Variants in RACK1 observed in about 807,000 individuals in gnomAD.
RACK1 encodes the protein small ribosomal subunit protein RACK1.
A neutral mutation model predicts 42.2 loss-of-function variants in RACK1; 3 were observed. The observed-to-expected ratio is 0.07, with a 90% confidence interval of 0.03 to 0.18. The LOEUF is 0.18. Ranked by LOEUF, RACK1 falls within the 10% of genes least tolerant of loss-of-function variation. RACK1 has a pLI of 1.00. For missense variants in RACK1, 146 were observed against 403.2 expected (o/e 0.36, Z 5.46); for synonymous variants, 181 against 154.8 (o/e 1.17, Z -1.25).
chr5:181,242,476 CAACA>C, intron 1 of RACK1, 131 bp from the exon 2 acceptor site: 1 of 682,580 alleles, frequency 1.5e-6, no homozygotes, highest in Admixed American at 2.2e-5. Context: ...GGGATGGAAA[CAACA>C]GACAAGAGCA....
In RACK1 at chr5:181,236,995, C is replaced by T. The variant is rs1162914540; in HGVS notation, c.936G>A (p.Val312=). The change falls in exon 8 of 8, where the codon GTG becomes GTA. Residue 312 remains valine, a synonymous_variant. Transcript: ENST00000512805. ...TAAACTTCTAGCGTGTGCCAATGGT[C>T]ACCTGCCACACTCGCACCAGGTTGT... ...YTDNLVRVWQ[V]TIGTR is the part of the protein sequence containing the mutation. The T allele has an allele frequency of 6.2e-7, 1 of 1,613,614 alleles. No individual in the cohort carries two copies. The highest frequency in any genetic ancestry group is 8.5e-7 in the Non-Finnish European group (1 of 1,179,932).
chr5:181,237,568 T>A, intron 7 of RACK1, 41 bp downstream of exon 7: 1 of 1,014,438 alleles, frequency 9.9e-7, no homozygotes, highest in Non-Finnish European at 1.6e-6. Flanking sequence ...GGGAGAAAAT[T>A]AACTGGAAGC....
chr5:181,237,222 C>A, intron 7 of RACK1, 180 bp from the exon 8 acceptor site: 1 of 1,215,314 alleles, frequency 8.2e-7, no homozygotes, highest in Non-Finnish European at 1.2e-6. Flanking sequence ...GAGATCCTCC[C>A]ACCTCAGCCT....
rs11540176 is a variant in RACK1, at chr5:181,243,876, T to C, written c.-76A>G. ...GCTTAGAGAAACTAGCACCACAACCTCTCCTGCCGCCGCCTTGCAGTGAAA... is the reference window on the plus strand; with the variant it reads ...GCTTAGAGAAACTAGCACCACAACCCCTCCTGCCGCCGCCTTGCAGTGAAA... On this transcript the variant is annotated 5_prime_UTR_variant, in exon 1 of 8. Transcript: ENST00000512805. 8.1e-6 allele frequency: 12 copies of C among 1,488,120 alleles called. No homozygotes were observed. The highest frequency in any genetic ancestry group is 1.3e-5 in the South Asian group (1 of 77,200). 92.2% of individuals were successfully genotyped at this position (1,488,120 alleles called of 1,614,324 possible).
intron 5 of RACK1, 88 bp from the exon 6 acceptor site, chr5:181,238,327 T>TA (rs1358792353): frequency 1.1e-5 from 15 of 1,395,228 alleles, no homozygotes; most frequent in Non-Finnish European, 1.3e-5. Context: ...AATCAATTCT[T>TA]ACCTTTCCTC....
rs748470910 is a variant in RACK1, at chr5:181,239,471, T to G, written c.525+16A>C. On this transcript the variant is annotated intron_variant, in intron 4 of 7. Coordinates refer to ENST00000512805, the MANE Select transcript of RACK1 (RefSeq NM_006098.5). ...CACCCTGACTGGTAAAGCCCCTGCCTTGGCTTGACGCTCACCTTGACCAGC... is the reference window on the plus strand; with the variant it reads ...CACCCTGACTGGTAAAGCCCCTGCCGTGGCTTGACGCTCACCTTGACCAGC... 1.3e-6 allele frequency: 2 copies of G among 1,592,226 alleles called. No homozygotes were observed. Among genetic ancestry groups the G allele is most frequent in the Admixed American group, 3.3e-5 (2 of 59,984 alleles).
At chr5:181,237,364 A>C (rs1455347793) in intron 7 of RACK1, 1 of 705,418 alleles carries the variant, frequency 1.4e-6, no homozygotes, top group Non-Finnish European at 2.6e-6. Flanking sequence ...ACATTTGAAA[A>C]CTGGTCAGAT....
At chr5:181,237,917 TA>T in intron 6 of RACK1, 181 bp downstream of exon 6, 1 of 683,302 alleles carries the variant, frequency 1.5e-6, no homozygotes, top group Non-Finnish European at 2.5e-6. Flanking sequence ...GAAATGCTGC[TA>T]AACATCCTGG....
chr5:181,239,023 G>T, intron 5 of RACK1, 44 bp downstream of exon 5: 1 of 1,259,228 alleles, frequency 7.9e-7, no homozygotes, highest in South Asian at 1.2e-5. Flanking sequence ...CTCCTTCCAT[G>T]ACGCTGTCTT....
chr5:181,243,771 G>T lies in RACK1; in HGVS notation c.30C>A (p.Thr10=). The change falls in exon 1 of 8, where the codon ACC becomes ACA. Residue 10 remains threonine, a synonymous_variant. Transcript: ENST00000512805. The part of the protein sequence containing the change: MTEQMTLRG[T]LKGHNGWVTQ... ...TTACCCAGCCGTTGTGGCCCTTGAG[G>T]GTGCCACGAAGGGTCATCTGCTCAG... 6.2e-7 allele frequency: 1 copy of T among 1,608,362 alleles called. No homozygotes were observed. Among genetic ancestry groups the T allele is most frequent in the Non-Finnish European group, 8.5e-7 (1 of 1,177,476 alleles).
At chr5:181,238,864 C>A (rs2113210463) in intron 5 of RACK1, 1 of 620,952 alleles carries the variant, frequency 1.6e-6, no homozygotes, top group South Asian at 1.6e-5. Flanking sequence ...TATAGAAAAT[C>A]ATCTTTTTCT....
chr5:181,237,305 G>T, intron 7 of RACK1: 1 of 728,290 alleles, frequency 1.4e-6, no homozygotes, highest in East Asian at 2.7e-5. Flanking sequence ...GCTTGTAAGT[G>T]GTGGTTATGT....
At chr5:181,243,182 A>G in intron 1 of RACK1, 1 of 900,736 alleles carries the variant, frequency 1.1e-6, no homozygotes, top group South Asian at 1.4e-5. Context: ...AAGCACAAGA[A>G]GCGTCTAAAC....
rs1286465035 is a variant in RACK1 at position 181,238,189 on chromosome 5, C to A, written c.687G>T (p.Thr229=). The A allele has an allele frequency of 4.3e-6, 7 of 1,613,996 alleles. No homozygotes were observed. The highest frequency in any genetic ancestry group is 5.9e-6 in the Non-Finnish European group (7 of 1,179,968). ...CGTTGATGATGTCCCCACCATCTAG[C>A]GTGTAAAGGTGTTTGCCTTCGTTGA... is the stretch of plus-strand genomic sequence containing the variant. ...WDLNEGKHLY[T]LDGGDIINAL... is the part of the protein sequence containing the mutation. Residue 229 remains threonine, a synonymous_variant, in exon 6 of 8, where the codon ACG becomes ACT. Coordinates refer to ENST00000512805, the MANE Select transcript of RACK1 (RefSeq NM_006098.5).
intron 5 of RACK1, chr5:181,238,698 AG>A (rs1183485221): frequency 2.7e-6 from 1 of 364,044 alleles, no homozygotes; most frequent in African/African-American, 2.1e-5. Context: ...GCTACTCGGG[AG>A]GCTGAGATGG....
chr5:181,239,946 C>T (rs1458589359), intron 3 of RACK1, among the ~76,000 whole-genome samples: 3 of 151,952 alleles, frequency 2.0e-5, no homozygotes, highest in African/African-American at 7.3e-5. Flanking sequence ...TGGGGAGGCT[C>T]AGGCAGGAAC....
intron 1 of RACK1, chr5:181,243,159 A>G: frequency 1.4e-6 from 1 of 713,244 alleles, no homozygotes; most frequent in South Asian, 1.5e-5. Context: ...TTAACAGTGT[A>G]GCAGCAAAGC....
chr5:181,236,932 GA>G lies in RACK1; in HGVS notation c.*44del. ...ATAAGAAAAAAAAACCTAAAAGTCA[GA>G]AAAGCCAGTTTTTTTTTTATTTGTA... On this transcript the variant is annotated 3_prime_UTR_variant, in exon 8 of 8. Transcript: ENST00000512805. 1 of 1,555,998 alleles carries G rather than the reference GA, an allele frequency of 6.4e-7. No homozygotes were observed.
rs1177630712 is a variant in RACK1, at chr5:181,239,588, G to A, written c.430-6C>T. On this transcript the variant is annotated splice_polypyrimidine_tract_variant and splice_region_variant and intron_variant, in intron 3 of 7. Transcript: ENST00000512805. The stretch of plus-strand genomic sequence containing the variant: ...CACTCTGAGTGGCTCTCATCCTACA[G>A]AAGATGGAAAGGAAATTAGGGCAAA... The A allele has an allele frequency of 2.5e-6, 4 of 1,602,222 alleles. No homozygotes were observed. The highest frequency in any genetic ancestry group is 1.3e-5 in the African/African-American group (1 of 74,756).
Sources: gnomAD v4.1 joint callset for allele counts (sites outside exome capture counted in the v4.1 genomes callset) on GRCh38, gnomAD v4.1.1 for gene constraint, MANE v1.5 for transcripts, NCBI Gene and HGNC (gene_info 2026-07-23, HGNC 2026-07-21) for gene names.